Variants in AIG1 observed in about 807,000 individuals in gnomAD.
AIG1 encodes the protein androgen induced 1.
In AIG1, 23 loss-of-function variants were observed where a neutral mutation model predicts 31.4. The ratio of observed to expected loss-of-function variants is 0.73; its 90% confidence interval spans 0.53 to 1.04. AIG1 has a LOEUF of 1.04. Among genes scored for constraint, AIG1 ranks in the 50% least tolerant of loss-of-function variants. The pLI, the probability that AIG1 is intolerant of heterozygous loss-of-function variation, is 0.00. For missense variants in AIG1, 274 were observed against 295.0 expected (o/e 0.93, Z 0.52); for synonymous variants, 100 against 110.5 (o/e 0.90, Z 0.60).
chr6:143,226,903 C>G (rs570620121), intron 3 of AIG1, among the ~76,000 whole-genome samples: 2 of 151,908 alleles, frequency 1.3e-5, no homozygotes, highest in Middle Eastern at 3.4e-3. Context: ...ACCTGTGGCC[C>G]GCAGCCGACA....
intron 3 of AIG1, among the ~76,000 whole-genome samples, chr6:143,209,560 G>A (rs1791427705): frequency 1.3e-5 from 2 of 152,028 alleles, no homozygotes; most frequent in African/African-American, 4.8e-5. Flanking sequence ...GATGGAGGAG[G>A]GGGCAATGAA....
intron 1 of AIG1, among the ~76,000 whole-genome samples, chr6:143,071,686 TTTGTTG>T (rs1207186851): frequency 5.4e-4 from 81 of 148,790 alleles, no homozygotes; most frequent in African/African-American, 1.9e-3. Context: ...TGGTTCTTTT[TTTGTTG>T]TTGTTGTTGT....
chr6:143,283,939 T>C (rs1797516773), intron 3 of AIG1, among the ~76,000 whole-genome samples, 171 bp from the exon 4 acceptor site: 1 of 152,202 alleles, frequency 6.6e-6, no homozygotes, highest in Non-Finnish European at 1.5e-5. Flanking sequence ...AATGGAGCAA[T>C]CAACGCACTA....
At chr6:143,229,082 C>T (rs902367780) in intron 3 of AIG1, among the ~76,000 whole-genome samples, 16 of 152,188 alleles carry the variant, frequency 1.1e-4, no homozygotes, top group East Asian at 3.9e-4. Flanking sequence ...GGGCCCTGTG[C>T]TTCAGTAGGG....
In AIG1 at chr6:143,060,935, G is replaced by T. The variant is rs1776182038; in HGVS notation, c.10G>T (p.Val4Phe). 1.2e-6 allele frequency: 2 copies of T among 1,609,678 alleles called. No individual in the cohort carries two copies. Among genetic ancestry groups the T allele is most frequent in the Admixed American group, 1.7e-5 (1 of 59,882 alleles). The change falls in exon 1 of 6, where the codon GTC (valine) becomes TTC (phenylalanine). Residue 4 changes from valine to phenylalanine, a missense_variant. Val to Phe is a conservative substitution (Grantham distance 50). Transcript: ENST00000357847. MALVPCQVLRMAIL... is the reference protein window; with the variant it reads MALFPCQVLRMAIL... ...CAGGCCTCTGGCGAACATGGCGCTT[G>T]TCCCCTGCCAGGTGCTGCGGATGGC...
At chr6:143,273,656 A>C (rs1428406838) in intron 3 of AIG1, among the ~76,000 whole-genome samples, 1 of 152,194 alleles carries the variant, frequency 6.6e-6, no homozygotes, top group African/African-American at 2.4e-5. Flanking sequence ...ATCATGGTGG[A>C]AGGCGAAAGG....
chr6:143,271,691 C>A (rs1264109719), intron 3 of AIG1, among the ~76,000 whole-genome samples: 1 of 152,120 alleles, frequency 6.6e-6, no homozygotes, highest in African/African-American at 2.4e-5. Context: ...CTATTTTCAC[C>A]TTGAAAAATT....
chr6:143,329,335 G>C lies in AIG1; in HGVS notation c.516-3947G>C, dbSNP rs1039329451. On this transcript the variant is annotated intron_variant, in intron 4 of 5. Transcript: ENST00000357847. The surrounding 1 kb of genome is among the most constrained non-coding windows in gnomAD (Gnocchi z 4.9). ...TAGTCTGATCTCAGTTTCTTTACCT[G>C]TTTAAAGAGAATAATCATACCTAAT... 1.4e-4 allele frequency among the ~76,000 whole-genome samples: 21 copies of C among 152,246 alleles called. No homozygotes were observed. Among genetic ancestry groups the C allele is most frequent in the Middle Eastern group, 3.4e-3 (1 of 294 alleles).
At chr6:143,265,756 G>A (rs1402713041) in intron 3 of AIG1, among the ~76,000 whole-genome samples, 1 of 152,160 alleles carries the variant, frequency 6.6e-6, no homozygotes, top group African/African-American at 2.4e-5. Flanking sequence ...TCCTTCCTGT[G>A]AACTTAAAGT....
chr6:143,061,554 C>T (rs1776261147), intron 1 of AIG1: 1 of 316,294 alleles, frequency 3.2e-6, no homozygotes, highest in East Asian at 7.9e-5. Context: ...AAATCCTTCT[C>T]ATAAGGGAGA....
chr6:143,116,332 A>G (rs1442209868), intron 1 of AIG1, among the ~76,000 whole-genome samples: 2 of 152,110 alleles, frequency 1.3e-5, no homozygotes, highest in Admixed American at 6.5e-5. Context: ...TTGTGGAATG[A>G]TGGGTTGGGC....
chr6:143,061,435 C>T, intron 1 of AIG1: 1 of 378,988 alleles, frequency 2.6e-6, no homozygotes, highest in South Asian at 1.9e-5. Context: ...TGGCCTGAGA[C>T]CCATTCGCCC....
intron 2 of AIG1, among the ~76,000 whole-genome samples, chr6:143,163,184 C>G (rs1450141679): frequency 1.3e-5 from 2 of 152,166 alleles, no homozygotes; most frequent in African/African-American, 4.8e-5. Context: ...CAGTGCATCC[C>G]TGGCATTGGA....
At chr6:143,254,636 T>C (rs930773642) in intron 3 of AIG1, among the ~76,000 whole-genome samples, 2 of 152,150 alleles carry the variant, frequency 1.3e-5, no homozygotes, top group African/African-American at 4.8e-5. Flanking sequence ...TAATATACAA[T>C]TGTAGCTCTA....
At chr6:143,271,781 G>A (rs1406289707) in intron 3 of AIG1, among the ~76,000 whole-genome samples, 2 of 152,164 alleles carry the variant, frequency 1.3e-5, no homozygotes, top group African/African-American at 2.4e-5. Context: ...GGGCAAAATA[G>A]CTCCCTTTCT....
chr6:143,188,604 T>C (rs1319283852), intron 3 of AIG1: 3 of 985,218 alleles, frequency 3.0e-6, no homozygotes, highest in East Asian at 1.1e-4. Context: ...TATTCTCTTA[T>C]GCCAGCTCTC....
At chr6:143,141,102 G>A (rs989332404) in intron 2 of AIG1, among the ~76,000 whole-genome samples, 3 of 152,118 alleles carry the variant, frequency 2.0e-5, no homozygotes, top group African/African-American at 7.2e-5. Flanking sequence ...AAATGGCATC[G>A]GGCATAAAAA....
intron 3 of AIG1, among the ~76,000 whole-genome samples, chr6:143,212,939 G>T (rs1049682027): frequency 2.0e-5 from 3 of 152,182 alleles, no homozygotes; most frequent in Non-Finnish European, 2.9e-5. Context: ...TGCAAAGCCT[G>T]TGCTTATTGT....
intron 1 of AIG1, among the ~76,000 whole-genome samples, chr6:143,135,956 C>T (rs1783689663): frequency 6.6e-6 from 1 of 152,160 alleles, no homozygotes; most frequent in South Asian, 2.1e-4. Flanking sequence ...GATACATTTT[C>T]TGCCCTTTCC....
Sources: gnomAD v4.1 joint callset for allele counts (sites outside exome capture counted in the v4.1 genomes callset) on GRCh38, gnomAD v4.1.1 for gene constraint, Gnocchi (gnomAD v3.1) non-coding constraint, MANE v1.5 for transcripts, NCBI Gene and HGNC (gene_info 2026-07-23, HGNC 2026-07-21) for gene names.